PGGT1B: variants seen among roughly 807,000 people sequenced by gnomAD.
PGGT1B encodes the protein protein geranylgeranyltransferase type I subunit beta.
Under a neutral mutation model 46.1 loss-of-function variants are expected in PGGT1B, and 30 were observed. The observed-to-expected ratio is 0.65, with a 90% CI of 0.49 to 0.88. The LOEUF (loss-of-function observed/expected upper bound fraction) is 0.88. Ranked by LOEUF, PGGT1B falls within the 40% of genes least tolerant of loss-of-function variation. PGGT1B has a pLI of 0.00. For synonymous variants in PGGT1B, 170 were observed against 160.0 expected (o/e 1.06, Z -0.47); for missense variants, 376 against 455.9 (o/e 0.82, Z 1.60).
chr5:115,240,354 T>C (rs1757311487), intron 3 of PGGT1B, among the ~76,000 whole-genome samples: 1 of 152,198 alleles, frequency 6.6e-6, no homozygotes, highest in Non-Finnish European at 1.5e-5. Context: ...GTAACAAATA[T>C]AGGTAGACAT....
intron 1 of PGGT1B, among the ~76,000 whole-genome samples, chr5:115,258,812 C>T (rs925783775): frequency 3.9e-5 from 6 of 152,196 alleles, no homozygotes; most frequent in African/African-American, 1.2e-4. Context: ...ATAACAAAAT[C>T]ATCTGGGCAC....
At chr5:115,234,293 A>G (rs1757103494) in intron 5 of PGGT1B, among the ~76,000 whole-genome samples, 1 of 151,930 alleles carries the variant, frequency 6.6e-6, no homozygotes, top group Non-Finnish European at 1.5e-5. Flanking sequence ...CTCATCAATA[A>G]GAAATGTAAG....
chr5:115,241,554 C>T lies in PGGT1B; in HGVS notation c.312G>A (p.Pro104=), dbSNP rs143638730. The T allele has an allele frequency of 4.3e-4, 683 of 1,605,012 alleles. 1 individual carries two copies. Among genetic ancestry groups the T allele is most frequent in the African/African-American group, 2.2e-3 (161 of 74,488 alleles). The change falls in exon 3 of 9, where the codon CCG becomes CCA. Residue 104 remains proline, a synonymous_variant. Coordinates refer to ENST00000419445, the MANE Select transcript of PGGT1B (RefSeq NM_005023.4). ...GFRGSSYLGI[P]FNPSKAPGTA... is the part of the protein sequence containing the mutation. Reference sequence around the variant, plus strand: ...TAGAACCAACCTTTGATGGATTGAACGGAATACCCAGGTATGAAGAGCCTC... The same window carrying T: ...TAGAACCAACCTTTGATGGATTGAATGGAATACCCAGGTATGAAGAGCCTC...
intron 7 of PGGT1B, among the ~76,000 whole-genome samples, chr5:115,218,194 T>C (rs1756478571): frequency 6.6e-6 from 1 of 151,736 alleles, no homozygotes; most frequent in South Asian, 2.1e-4. Flanking sequence ...TCATCAATAA[T>C]GTCTAAAGGT....
rs780576108 is a variant in PGGT1B, at chr5:115,207,581, T to C, written c.*4821A>G. ...CTGTCTGTTTTGAACTTCACCGAAATGGAATCAAAGTATGCACTTGTGTCT... is the reference window on the plus strand; with the variant it reads ...CTGTCTGTTTTGAACTTCACCGAAACGGAATCAAAGTATGCACTTGTGTCT... On this transcript the variant is annotated 3_prime_UTR_variant, in exon 9 of 9. Coordinates refer to ENST00000419445, the MANE Select transcript of PGGT1B (RefSeq NM_005023.4). The C allele has an allele frequency of 5.3e-5, 8 of 152,002 alleles. No individual in the cohort carries two copies. The highest frequency in any genetic ancestry group is 1.0e-4 in the Non-Finnish European group (7 of 67,922). 9.4% of individuals were successfully genotyped at this position (152,002 alleles called of 1,614,324 possible).
Position 115,206,232 on chromosome 5 carries a change from T to C in PGGT1B, c.*6170A>G, listed in dbSNP as rs1756059800. The C allele has an allele frequency of 6.6e-6, 1 of 151,850 alleles. No individual in the cohort carries two copies. 9.4% of individuals were successfully genotyped at this position (151,850 alleles called of 1,614,324 possible). On this transcript the variant is annotated 3_prime_UTR_variant, in exon 9 of 9. Coordinates refer to ENST00000419445, the MANE Select transcript of PGGT1B (RefSeq NM_005023.4). Reference sequence around the variant, plus strand: ...ATTTCTATATCTCTATATACAGAGATTAAAGGTCTGAAAGATGTATGCAAC... The same window carrying C: ...ATTTCTATATCTCTATATACAGAGACTAAAGGTCTGAAAGATGTATGCAAC...
chr5:115,231,262 T>G (rs547584526), intron 5 of PGGT1B, among the ~76,000 whole-genome samples: 9 of 152,064 alleles, frequency 5.9e-5, no homozygotes, highest in Non-Finnish European at 1.3e-4. Flanking sequence ...ATTCTGAGAA[T>G]AGATTATTCA....
At chr5:115,218,894 C>T (rs552230580) in intron 7 of PGGT1B, among the ~76,000 whole-genome samples, 1 of 151,806 alleles carries the variant, frequency 6.6e-6, no homozygotes, top group East Asian at 1.9e-4. Context: ...TTAATCTTAA[C>T]AAAAAGGTGA....
chr5:115,210,172 A>AGCTCCTCCTCC lies in PGGT1B; in HGVS notation c.*2219_*2229dup. Reference sequence around the variant, plus strand: ...ATTTGTACACAGATGCTCAAAATAAAGCTCCTCCTCCTACCTTCTAAAAAA... The same window carrying AGCTCCTCCTCC: ...ATTTGTACACAGATGCTCAAAATAAAGCTCCTCCTCCGCTCCTCCTCCTACCTTCTAAAAAA... On this transcript the variant is annotated 3_prime_UTR_variant, in exon 9 of 9. Coordinates refer to ENST00000419445, the MANE Select transcript of PGGT1B (RefSeq NM_005023.4). The AGCTCCTCCTCC allele has an allele frequency of 6.6e-6, 1 of 152,042 alleles. No individual in the cohort carries two copies. The allele number at this position is 152,042 out of a possible 1,614,324, so 9.4% of individuals were successfully genotyped here. A position where few individuals can be genotyped will look rare whatever the true frequency, so the allele number is the denominator to read the frequency against.
chr5:115,236,494 T>C lies in PGGT1B; in HGVS notation c.508A>G (p.Asn170Asp). The change falls in exon 5 of 9, where the codon AAT becomes GAT. Residue 170 changes from asparagine (N) to aspartate (D), a missense_variant. Around this residue, in one of 2 missense-constraint regions of PGGT1B, gnomAD observed 222 missense variants for 313.6 expected, o/e 0.71. Transcript: ENST00000419445. ...SFCAVPEGSENDMRFVYCASC... is the reference protein window; with the variant it reads ...SFCAVPEGSEDDMRFVYCASC... ...GCACAGTACACAAATCGCATGTCAT[T>C]TTCACTGCCTTCAGGTACTGCACAA... 6.4e-7 allele frequency: 1 copy of C among 1,566,724 alleles called. No individual in the cohort carries two copies. Among genetic ancestry groups the C allele is most frequent in the Non-Finnish European group, 8.6e-7 (1 of 1,161,064 alleles).
chr5:115,204,610 T>C lies in PGGT1B; in HGVS notation c.*7792A>G, dbSNP rs1756011419. 1 of 152,094 alleles carries C rather than the reference T, an allele frequency of 6.6e-6. No individual in the cohort carries two copies. The highest frequency in any genetic ancestry group is 2.1e-4 in the South Asian group (1 of 4,814). The allele number at this position is 152,094 out of a possible 1,614,324, so 9.4% of individuals were successfully genotyped here. On this transcript the variant is annotated 3_prime_UTR_variant, in exon 9 of 9. Transcript: ENST00000419445. ...TGATAAAATCCGGTGTCACAAAGGA[T>C]ATGAGGAAACAGGCACTCTCATACC...
At chr5:115,241,756 C>T (rs1283103994) in intron 2 of PGGT1B, 150 bp from the exon 3 acceptor site, 2 of 519,106 alleles carry the variant, frequency 3.9e-6, no homozygotes, top group Non-Finnish European at 3.4e-6. Flanking sequence ...GTGCCAGGTC[C>T]ATTCTAGGTG....
intron 5 of PGGT1B, chr5:115,231,511 AT>A (rs1013602261): frequency 6.6e-6 from 1 of 152,116 alleles, no homozygotes; most frequent in Non-Finnish European, 1.5e-5. Context: ...AAGAAGAACA[AT>A]AAAACTTTGA....
At chr5:115,223,608 A>C (rs984366052) in intron 6 of PGGT1B, among the ~76,000 whole-genome samples, 1 of 152,178 alleles carries the variant, frequency 6.6e-6, no homozygotes, top group African/African-American at 2.4e-5. Context: ...TAGCCCTGTA[A>C]GTCTCAGTTC....
At chr5:115,246,020 T>C (rs1747818016) in intron 2 of PGGT1B, among the ~76,000 whole-genome samples, 1 of 152,174 alleles carries the variant, frequency 6.6e-6, no homozygotes, top group South Asian at 2.1e-4. Flanking sequence ...TTTTAAAAAA[T>C]GATGCTCATT....
chr5:115,256,879 C>T (rs185321836), intron 1 of PGGT1B, among the ~76,000 whole-genome samples: 19 of 152,300 alleles, frequency 1.2e-4, no homozygotes, highest in African/African-American at 3.9e-4. Context: ...TGCGAACACA[C>T]GCACCTAAAA....
rs949360943 is a variant in PGGT1B, at chr5:115,243,950, T to G, written c.260-2344A>C. On this transcript the variant is annotated intron_variant, in intron 2 of 8. Coordinates refer to ENST00000419445, the MANE Select transcript of PGGT1B (RefSeq NM_005023.4). The stretch of plus-strand genomic sequence containing the variant: ...TCTCTTCTCTCTTCTGCTCCCTTTC[T>G]CTGCAATTCCATGACGAACGTTTCT... Among the ~76,000 whole-genome samples the G allele has an allele frequency of 5.3e-5, 8 of 152,196 alleles. 1 individual carries two copies. The highest frequency in any genetic ancestry group is 3.9e-4 in the Admixed American group (6 of 15,280).
In PGGT1B at chr5:115,253,222, C is replaced by G. The variant is rs745700835; in HGVS notation, c.174G>C (p.Leu58=). 1 of 1,587,130 alleles carries G rather than the reference C, an allele frequency of 6.3e-7. No homozygotes were observed. The stretch of plus-strand genomic sequence containing the variant: ...CCACATCTAAGGAATCCAACATATC[C>G]AGCCCGGAGAGTGCAAAAAATGCAA... ...LTIAFFALSG[L]DMLDSLDVVN... is the part of the protein sequence containing the mutation. The change falls in exon 2 of 9, where the codon CTG becomes CTC. Residue 58 remains leucine (L), a synonymous_variant. Transcript: ENST00000419445.
intron 1 of PGGT1B, among the ~76,000 whole-genome samples, chr5:115,254,335 C>T (rs538060390): frequency 6.6e-6 from 1 of 151,858 alleles, no homozygotes; most frequent in Non-Finnish European, 1.5e-5. Context: ...TGAGATGATA[C>T]CCCACTGGGA....
Sources: allele counts gnomAD v4.1 joint callset (sites outside exome capture counted in the v4.1 genomes callset), GRCh38; gene constraint gnomAD v4.1.1; regional missense constraint gnomAD v4.1.1; transcripts MANE v1.5; gene names NCBI Gene and HGNC (gene_info 2026-07-23, HGNC 2026-07-21).